ZKSCAN1: variants seen among roughly 807,000 people sequenced by gnomAD.
The protein encoded by ZKSCAN1 is zinc finger with KRAB and SCAN domains 1, also known as zinc finger protein with KRAB and SCAN domains 1.
A neutral mutation model predicts 51.6 loss-of-function variants in ZKSCAN1; 14 were observed. The observed-to-expected ratio is 0.27, with a 90% CI of 0.18 to 0.42. ZKSCAN1 has a LOEUF of 0.42. Ranked by LOEUF, ZKSCAN1 falls within the 10% of genes least tolerant of loss-of-function variation. The pLI is 1.00. For missense variants in ZKSCAN1, 531 were observed against 710.0 expected (o/e 0.75, Z 2.86); for synonymous variants, 263 against 261.5 (o/e 1.01, Z -0.06).
At chr7:100,029,421 T>C (rs1404362166) in intron 3 of ZKSCAN1, among the ~76,000 whole-genome samples, 1 of 152,088 alleles carries the variant, frequency 6.6e-6, no homozygotes, top group Non-Finnish European at 1.5e-5. Context: ...TTTCCACAAG[T>C]GTAGGCATAA....
chr7:100,024,430 C>A, intron 3 of ZKSCAN1, 123 bp downstream of exon 3: 3 of 1,280,528 alleles, frequency 2.3e-6, no homozygotes, highest in Non-Finnish European at 3.2e-6. Context: ...CCCATCTCTA[C>A]AAAAAATAGA....
rs1473801077 is a variant in ZKSCAN1 at position 100,038,634 on chromosome 7, C to T, written c.*4437C>T. 3.0e-6 allele frequency: 3 copies of T among 985,362 alleles called. No individual in the cohort carries two copies. Among genetic ancestry groups the T allele is most frequent in the Non-Finnish European group, 3.6e-6 (3 of 829,952 alleles). 61.0% of individuals were successfully genotyped at this position (985,362 alleles called of 1,614,324 possible). On this transcript the variant is annotated 3_prime_UTR_variant, in exon 6 of 6. Coordinates refer to ENST00000324306, the MANE Select transcript of ZKSCAN1 (RefSeq NM_003439.4). ...CTGGAATGGCCAAGTGGGACTGCTT[C>T]AGCTGACCAGGTTCTTTTAAACCGT...
chr7:100,041,994 T>C (rs1218133757), downstream of ZKSCAN1, among the ~76,000 whole-genome samples: 1 of 152,098 alleles, frequency 6.6e-6, no homozygotes, highest in Non-Finnish European at 1.5e-5. Context: ...TCTCCCCATA[T>C]GGAATTACTG....
At position 100,035,979 on chromosome 7, in the gene ZKSCAN1, C is replaced by T. The variant is rs577609893; in HGVS notation, c.*1782C>T. ...CTCAAGACTATCAGTGTGACCTCCC[C>T]ATAACAAGAGAACCCCATATATAGT... On this transcript the variant is annotated 3_prime_UTR_variant, in exon 6 of 6. Transcript: ENST00000324306. 109 of 985,446 alleles carry T rather than the reference C, an allele frequency of 1.1e-4. 1 individual carries two copies. The African/African-American group carries it at 1.7e-3, about 15-fold the overall frequency. 61.0% of individuals were successfully genotyped at this position (985,446 alleles called of 1,614,324 possible).
rs1791191407 is a variant in ZKSCAN1 at position 100,033,252 on chromosome 7, C to CT, written c.800-52dup. 6.6e-7 allele frequency: 1 copy of CT among 1,524,590 alleles called. No individual in the cohort carries two copies. Among genetic ancestry groups the CT allele is most frequent in the East Asian group, 2.3e-5 (1 of 42,948 alleles). The allele number at this position is 1,524,590 out of a possible 1,614,324, so 94.4% of individuals were successfully genotyped here. On this transcript the variant is annotated intron_variant, in intron 5 of 5. Coordinates refer to ENST00000324306, the MANE Select transcript of ZKSCAN1 (RefSeq NM_003439.4). The surrounding 1 kb of genome is among the most constrained non-coding windows in gnomAD (Gnocchi z 4.1). ...CTCGGGAAACTGTCGCTTGACCCAC[C>CT]TGTATATTCAAAAGAAAAAGGTGCG... is the stretch of plus-strand genomic sequence containing the variant.
chr7:100,024,081 T>G, intron 2 of ZKSCAN1, 73 bp from the exon 3 acceptor site: 1 of 1,546,818 alleles, frequency 6.5e-7, no homozygotes, highest in Non-Finnish European at 8.7e-7. Context: ...GGCATACTCA[T>G]GGTCTGTTTT....
At chr7:100,015,870 G>C (rs1054709578) in intron 1 of ZKSCAN1, 144 bp downstream of exon 1, 1 of 152,266 alleles carries the variant, frequency 6.6e-6, no homozygotes, top group Non-Finnish European at 1.5e-5. Flanking sequence ...CTGCCTCCTG[G>C]CCGGGCCCGG....
At chr7:100,017,019 A>G (rs1790396546) in intron 1 of ZKSCAN1, 1 of 152,200 alleles carries the variant, frequency 6.6e-6, no homozygotes, top group African/African-American at 2.4e-5. Context: ...CGAGGAAGCT[A>G]GCTACTTAGT....
chr7:100,042,802 T>G (rs935608458), downstream of ZKSCAN1, among the ~76,000 whole-genome samples: 7 of 150,194 alleles, frequency 4.7e-5, no homozygotes, highest in South Asian at 4.2e-4. Context: ...TTTGGGTTTT[T>G]TTTTTTTTTT....
intron 1 of ZKSCAN1, among the ~76,000 whole-genome samples, chr7:100,022,629 A>C (rs1790637844): frequency 6.6e-6 from 1 of 152,228 alleles, no homozygotes; most frequent in South Asian, 2.1e-4. Flanking sequence ...ATGGTACAAA[A>C]GTAGGTCCCA....
In ZKSCAN1 at chr7:100,034,390, C is replaced by T. The variant is rs1791258720; in HGVS notation, c.*193C>T. 2 of 1,325,462 alleles carry T rather than the reference C, an allele frequency of 1.5e-6. No homozygotes were observed. Among genetic ancestry groups the T allele is most frequent in the South Asian group, 5.0e-5 (2 of 40,170 alleles). The allele number at this position is 1,325,462 out of a possible 1,614,324, so 82.1% of individuals were successfully genotyped here. ...TTGGGCATATAATCCTTCCACACAG[C>T]CCCTGCAGGGAAAGGCTAATCTTAC... On this transcript the variant is annotated 3_prime_UTR_variant, in exon 6 of 6. Coordinates refer to ENST00000324306, the MANE Select transcript of ZKSCAN1 (RefSeq NM_003439.4).
At chr7:100,019,641 C>T (rs1023125939) in intron 1 of ZKSCAN1, among the ~76,000 whole-genome samples, 2 of 152,126 alleles carry the variant, frequency 1.3e-5, no homozygotes, top group African/African-American at 4.8e-5. Context: ...CAAATTCTGC[C>T]TCTACCATAT....
At chr7:100,032,046 T>C (rs1344716257) in intron 5 of ZKSCAN1, among the ~76,000 whole-genome samples, 1 of 152,210 alleles carries the variant, frequency 6.6e-6, no homozygotes, top group Non-Finnish European at 1.5e-5. Flanking sequence ...GCCACTGTAC[T>C]CCAGCCTGGC....
At chr7:100,019,819 A>G (rs1371015414) in intron 1 of ZKSCAN1, among the ~76,000 whole-genome samples, 1 of 152,016 alleles carries the variant, frequency 6.6e-6, no homozygotes, top group East Asian at 1.9e-4. Flanking sequence ...CTCCTGCCTC[A>G]GCCTCCCGAG....
At position 100,033,213 on chromosome 7, in the gene ZKSCAN1, C is replaced by G; in HGVS notation, c.800-92C>G. 2.7e-6 allele frequency: 4 copies of G among 1,465,646 alleles called. No homozygotes were observed. The East Asian group carries it at 9.9e-5, about 36-fold the overall frequency. 90.8% of individuals were successfully genotyped at this position (1,465,646 alleles called of 1,614,324 possible). On this transcript the variant is annotated intron_variant, in intron 5 of 5. Coordinates refer to ENST00000324306, the MANE Select transcript of ZKSCAN1 (RefSeq NM_003439.4). This position sits in a 1 kb window ranked among gnomAD's most constrained non-coding sequence, Gnocchi z 4.1. ...AAAATATTGCAAAGTCATTTTGCAG[C>G]CGTGTAGAAGCTTCTCGGGAAACTG... is the stretch of plus-strand genomic sequence containing the variant.
In ZKSCAN1 at chr7:100,036,230, G is replaced by C; in HGVS notation, c.*2033G>C. On this transcript the variant is annotated 3_prime_UTR_variant, in exon 6 of 6. Coordinates refer to ENST00000324306, the MANE Select transcript of ZKSCAN1 (RefSeq NM_003439.4). The stretch of plus-strand genomic sequence containing the variant: ...TTTCATCAGCATTACTTGGGAAAAC[G>C]TGTTGCAAGTCAACCAGTCACTAGG... The C allele has an allele frequency of 2.0e-6, 2 of 985,336 alleles. No homozygotes were observed. The highest frequency in any genetic ancestry group is 2.4e-6 in the Non-Finnish European group (2 of 829,912). 61.0% of individuals were successfully genotyped at this position (985,336 alleles called of 1,614,324 possible). A position where few individuals can be genotyped will look rare whatever the true frequency, so the allele number is the denominator to read the frequency against.
intron 3 of ZKSCAN1, chr7:100,024,742 A>G (rs1790744229): frequency 6.4e-6 from 1 of 157,074 alleles, no homozygotes; most frequent in African/African-American, 2.4e-5. Context: ...TCTACTAAAA[A>G]TATGAAAATT....
rs1791413198 is a variant in ZKSCAN1, at chr7:100,037,478, T to TA, written c.*3282dup. The TA allele has an allele frequency of 1.6e-5, 16 of 985,366 alleles. No homozygotes were observed. The highest frequency in any genetic ancestry group is 4.7e-5 in the South Asian group (1 of 21,294). 61.0% of individuals were successfully genotyped at this position (985,366 alleles called of 1,614,324 possible). A position where few individuals can be genotyped will look rare whatever the true frequency, so the allele number is the denominator to read the frequency against. ...TATGTATAGAGAGGTTGACGTGTGA[T>TA]ACGTGGGACAGTTCACATAGACATC... On this transcript the variant is annotated 3_prime_UTR_variant, in exon 6 of 6. Transcript: ENST00000324306.
chr7:100,033,356 CG>C lies in ZKSCAN1; in HGVS notation c.853del (p.Glu285LysfsTer50), dbSNP rs1362055844. 1 of 1,613,628 alleles carries C rather than the reference CG, an allele frequency of 6.2e-7. No individual in the cohort carries two copies. The highest frequency in any genetic ancestry group is 8.5e-7 in the Non-Finnish European group (1 of 1,179,994). ...GAGTCAACCTCAAAGGCTGAAACCTCGGAAGATTCAGCATCACGCGGGGAGA... is the reference window on the plus strand; with the variant it reads ...GAGTCAACCTCAAAGGCTGAAACCTCGAAGATTCAGCATCACGCGGGGAGA... ...NEESTSKAETSEDSASRGETT... is the reference protein window; with the variant it reads ...NEESTSKAETXEDSASRGETT... On this transcript the variant is annotated frameshift_variant, in exon 6 of 6. Coordinates refer to ENST00000324306, the MANE Select transcript of ZKSCAN1 (RefSeq NM_003439.4). LOFTEE classifies it high-confidence loss of function. This position sits in a 1 kb window ranked among gnomAD's most constrained non-coding sequence, Gnocchi z 4.1.
Sources: gnomAD v4.1 joint callset for allele counts (sites outside exome capture counted in the v4.1 genomes callset) on GRCh38, gnomAD v4.1.1 for gene constraint, Gnocchi (gnomAD v3.1) non-coding constraint, MANE v1.5 for transcripts, NCBI Gene and HGNC (gene_info 2026-07-23, HGNC 2026-07-21) for gene names.